Variants in STX7 observed in about 807,000 individuals in gnomAD.
The protein encoded by STX7 is syntaxin 7.
A neutral mutation model predicts 39.6 loss-of-function variants in STX7; 34 were observed. The observed-to-expected ratio is 0.86, with a 90% CI of 0.65 to 1.14. The LOEUF is 1.14. Among genes scored for constraint, STX7 ranks in the 50% most tolerant of loss-of-function variants. STX7 has a pLI of 0.00. For missense variants in STX7, 284 were observed against 310.4 expected (o/e 0.92, Z 0.64); for synonymous variants, 119 against 99.1 (o/e 1.20, Z -1.19).
In STX7 at chr6:132,454,216, A is replaced by G. The variant is rs1774198558; in HGVS notation, c.*6542T>C. On this transcript the variant is annotated 3_prime_UTR_variant, in exon 10 of 10. Coordinates refer to ENST00000367941, the MANE Select transcript of STX7 (RefSeq NM_003569.3). ...ATTATGATTCCAGTTATACAGCTTT[A>G]TTGAAATGAAAAAAAAAAAAACTAT... 1 of 134,872 alleles carries G rather than the reference A, an allele frequency of 7.4e-6. No individual in the cohort carries two copies. Among genetic ancestry groups the G allele is most frequent in the Admixed American group, 8.0e-5 (1 of 12,576 alleles). 8.4% of individuals were successfully genotyped at this position (134,872 alleles called of 1,614,324 possible).
intron 4 of STX7, 131 bp from the exon 5 acceptor site, chr6:132,471,731 C>A: frequency 6.0e-6 from 6 of 1,000,878 alleles, no homozygotes; most frequent in Non-Finnish European, 7.2e-6. Flanking sequence ...CAGATTAACT[C>A]TCAGTAACAT....
chr6:132,499,399 G>C (rs1775495614), intron 2 of STX7, among the ~76,000 whole-genome samples: 1 of 152,202 alleles, frequency 6.6e-6, no homozygotes, highest in Admixed American at 6.5e-5. Flanking sequence ...CATAAGCAGA[G>C]ATGAGGAGAA....
chr6:132,475,253 A>C (rs1172355833), intron 3 of STX7: 2 of 157,114 alleles, frequency 1.3e-5, no homozygotes, highest in African/African-American at 4.8e-5. Flanking sequence ...GCTCCTGAGT[A>C]GCTAGGACTA....
chr6:132,470,663 C>T, intron 5 of STX7, 37 bp from the exon 6 acceptor site: 2 of 1,447,292 alleles, frequency 1.4e-6, no homozygotes, highest in East Asian at 2.3e-5. Context: ...TGAGAAGGGG[C>T]AAAAAAAGCA....
At position 132,451,559 on chromosome 6, in the gene STX7, A is replaced by G. The variant is rs1253747087; in HGVS notation, c.*9199T>C. 1 of 152,224 alleles carries G rather than the reference A, an allele frequency of 6.6e-6. No homozygotes were observed. Among genetic ancestry groups the G allele is most frequent in the African/African-American group, 2.4e-5 (1 of 41,454 alleles). 9.4% of individuals were successfully genotyped at this position (152,224 alleles called of 1,614,324 possible). ...CCAATGGAACTACAATAATAATAAT[A>G]AGGCTAAAGGAGTGCTCTAAACAGA... On this transcript the variant is annotated 3_prime_UTR_variant, in exon 10 of 10. Transcript: ENST00000367941.
In STX7 at chr6:132,447,819, C is replaced by G. The variant is rs56009841; in HGVS notation, c.*12939G>C. The G allele has an allele frequency of 6.7e-6, 1 of 148,188 alleles. No homozygotes were observed. The highest frequency in any genetic ancestry group is 1.5e-5 in the Non-Finnish European group (1 of 66,462). The allele number at this position is 148,188 out of a possible 1,614,324, so 9.2% of individuals were successfully genotyped here. On this transcript the variant is annotated 3_prime_UTR_variant, in exon 10 of 10. Transcript: ENST00000367941. ...AACTGTATATATTGAACAAGGTAGA[C>G]TTTTTTTTTTATTAATCTGGTGAGA... is the stretch of plus-strand genomic sequence containing the variant.
chr6:132,477,349 C>T (rs1313309729), intron 2 of STX7, among the ~76,000 whole-genome samples: 1 of 151,944 alleles, frequency 6.6e-6, no homozygotes, highest in Non-Finnish European at 1.5e-5. Flanking sequence ...GTAGTATGGG[C>T]ATCGATAGAC....
intron 1 of STX7, among the ~76,000 whole-genome samples, chr6:132,506,276 G>A (rs1457868199): frequency 6.6e-6 from 1 of 152,048 alleles, no homozygotes; most frequent in African/African-American, 2.4e-5. Context: ...AAAAGCTTTT[G>A]CACAGCAAAA....
chr6:132,496,484 A>G (rs563518308), intron 2 of STX7, among the ~76,000 whole-genome samples: 1 of 152,320 alleles, frequency 6.6e-6, no homozygotes, highest in Non-Finnish European at 1.5e-5. Context: ...AAAATAATAC[A>G]TAAGCCTTGG....
Position 132,461,828 on chromosome 6 carries a change from T to C in STX7, c.694-978A>G, listed in dbSNP as rs577882438. Reference sequence around the variant, plus strand: ...AGTTGTAGATTTCTTTAATGGCGTTTGTACCTCACATCAACATGCAGGAAT... The same window carrying C: ...AGTTGTAGATTTCTTTAATGGCGTTCGTACCTCACATCAACATGCAGGAAT... On this transcript the variant is annotated intron_variant, in intron 9 of 9. Transcript: ENST00000367941. 195 of 1,540,768 alleles carry C rather than the reference T, an allele frequency of 1.3e-4. 1 individual carries two copies. The South Asian group carries it at 2.3e-3, about 18-fold the overall frequency.
At chr6:132,472,585 G>A (rs976123988) in intron 3 of STX7, among the ~76,000 whole-genome samples, 3 of 152,156 alleles carry the variant, frequency 2.0e-5, no homozygotes, top group Admixed American at 1.3e-4. Flanking sequence ...CACTCACACA[G>A]GGTAGGCAAG....
intron 2 of STX7, among the ~76,000 whole-genome samples, chr6:132,502,967 C>T (rs1473122942): frequency 1.3e-5 from 2 of 152,032 alleles, no homozygotes; most frequent in Non-Finnish European, 2.9e-5. Flanking sequence ...TAGATTAAAA[C>T]GTCCTCTCCT....
intron 2 of STX7, among the ~76,000 whole-genome samples, chr6:132,495,218 C>T (rs934218757): frequency 1.3e-5 from 2 of 152,154 alleles, no homozygotes; most frequent in Admixed American, 6.5e-5. Context: ...GCCATAAACA[C>T]CATGTTCAGT....
intron 4 of STX7, 100 bp from the exon 5 acceptor site, chr6:132,471,700 C>G: frequency 2.2e-6 from 3 of 1,375,048 alleles, no homozygotes; most frequent in Non-Finnish European, 3.0e-6. Context: ...TTTTCACTTA[C>G]TCCCCAATTA....
At chr6:132,496,628 C>T (rs544766586) in intron 2 of STX7, among the ~76,000 whole-genome samples, 56 of 152,168 alleles carry the variant, frequency 3.7e-4, no homozygotes, top group East Asian at 1.4e-3. Context: ...AGAAGAGTTT[C>T]GGGACTCTTA....
In STX7 at chr6:132,458,198, G is replaced by T. The variant is rs1774295101; in HGVS notation, c.*2560C>A. ...AACCCAGTGGCGACCTCTTCAAAGT[G>T]CAGTGTCCTTGGTCACCAATGCAGA... On this transcript the variant is annotated 3_prime_UTR_variant, in exon 10 of 10. Transcript: ENST00000367941. The T allele has an allele frequency of 6.6e-6, 1 of 152,182 alleles. No individual in the cohort carries two copies. The highest frequency in any genetic ancestry group is 2.1e-4 in the South Asian group (1 of 4,832). The allele number at this position is 152,182 out of a possible 1,614,324, so 9.4% of individuals were successfully genotyped here. A position where few individuals can be genotyped will look rare whatever the true frequency, so the allele number is the denominator to read the frequency against.
chr6:132,469,666 T>A (rs968913347), intron 7 of STX7, among the ~76,000 whole-genome samples: 57 of 151,994 alleles, frequency 3.8e-4, no homozygotes, highest in African/African-American at 1.3e-3. Flanking sequence ...GGTGAAACCC[T>A]TTCTCTGCTA....
At chr6:132,483,082 T>C (rs1399480760) in intron 2 of STX7, among the ~76,000 whole-genome samples, 2 of 152,194 alleles carry the variant, frequency 1.3e-5, no homozygotes, top group Admixed American at 6.5e-5. Flanking sequence ...AACCTTGTAT[T>C]TAAAAACTCA....
At chr6:132,497,417 G>C (rs1014595799) in intron 2 of STX7, among the ~76,000 whole-genome samples, 37 of 152,168 alleles carry the variant, frequency 2.4e-4, no homozygotes, top group African/African-American at 8.4e-4. Flanking sequence ...GCATGAAGGG[G>C]TGTAAGCACA....
Sources: allele counts gnomAD v4.1 joint callset (sites outside exome capture counted in the v4.1 genomes callset), GRCh38; gene constraint gnomAD v4.1.1; transcripts MANE v1.5; gene names NCBI Gene and HGNC (gene_info 2026-07-23, HGNC 2026-07-21).